The following PLEKHD1 variants were observed in gnomAD, a reference collection of about 807,000 sequenced individuals.
PLEKHD1 encodes the protein pleckstrin homology and coiled-coil domain containing D1, also known as pleckstrin homology domain-containing family D member 1.
PLEKHD1 carries 51 observed loss-of-function variants against 69.2 expected under a neutral mutation model. The ratio of observed to expected loss-of-function variants is 0.74; its 90% confidence interval spans 0.59 to 0.93. The LOEUF (loss-of-function observed/expected upper bound fraction) is 0.93, where lower values mean the gene tolerates loss of function less well. PLEKHD1 is among the 40% of genes least tolerant of loss of function. The probability of loss-of-function intolerance (pLI) is 0.00; values close to 1 mark genes in which losing one functional copy is unlikely to be tolerated. For synonymous variants in PLEKHD1, 236 were observed against 244.7 expected (o/e 0.96, Z 0.33); for missense variants, 584 against 641.0 (o/e 0.91, Z 0.96).
intron 1 of PLEKHD1, among the ~76,000 whole-genome samples, chr14:69,496,638 TC>T (rs1370816416): frequency 6.6e-6 from 1 of 151,420 alleles, no homozygotes; most frequent in African/African-American, 2.4e-5. Context: ...ACTCCTGGAC[TC>T]AAGTGATCCT....
chr14:69,489,743 C>T (rs1488382746), intron 1 of PLEKHD1, among the ~76,000 whole-genome samples: 2 of 152,070 alleles, frequency 1.3e-5, no homozygotes, highest in African/African-American at 4.8e-5. Flanking sequence ...AAACTGTGTG[C>T]CACAAATGAC....
rs3048578 is a variant in PLEKHD1 at position 69,504,628 on chromosome 14, TTTC to T, written c.555+1757_555+1759del. 7.5e-3 allele frequency among the ~76,000 whole-genome samples: 1,145 copies of T among 152,336 alleles called. 14 individuals carry two copies. Among genetic ancestry groups the T allele is most frequent in the African/African-American group, 0.026 (1,090 of 41,562 alleles). ...TCCAACAGGACAATCCACCCTCATT[TTTC>T]TTCTTCTAAAATTGTATTGGTTATT... On this transcript the variant is annotated intron_variant, in intron 6 of 12. Coordinates refer to ENST00000322564, the MANE Select transcript of PLEKHD1 (RefSeq NM_001161498.2).
At chr14:69,502,702 CTGCAGGCCCCTTCCTTGGGA>C in intron 5 of PLEKHD1, 105 bp from the exon 6 acceptor site, 1 of 1,253,788 alleles carries the variant, frequency 8.0e-7, no homozygotes, top group Non-Finnish European at 1.1e-6. Context: ...GCTGGCAGGG[CTGCAGGCCCCTTCCTTGGGA>C]GATGCTGGGG....
chr14:69,495,091 A>G (rs575941282), intron 1 of PLEKHD1, among the ~76,000 whole-genome samples: 3 of 151,782 alleles, frequency 2.0e-5, no homozygotes, highest in South Asian at 4.2e-4. Context: ...TCCCTACTGA[A>G]CTCTGGCCCT....
Position 69,526,851 on chromosome 14 carries a change from C to T in PLEKHD1, c.1056+22C>T, listed in dbSNP as rs951678548. 13 of 1,511,496 alleles carry T rather than the reference C, an allele frequency of 8.6e-6. No homozygotes were observed. The African/African-American group carries it at 1.5e-4, about 18-fold the overall frequency. The allele number at this position is 1,511,496 out of a possible 1,614,324, so 93.6% of individuals were successfully genotyped here. ...CAAGGTGCGACCTGGCCTGCTGGTG[C>T]CAGGGCCCTTCCCCTTCCCTGGAGA... is the stretch of plus-strand genomic sequence containing the variant. On this transcript the variant is annotated intron_variant, in intron 10 of 12. Coordinates refer to ENST00000322564, the MANE Select transcript of PLEKHD1 (RefSeq NM_001161498.2).
At chr14:69,520,022 C>G (rs1297188016) in intron 6 of PLEKHD1, among the ~76,000 whole-genome samples, 1 of 151,862 alleles carries the variant, frequency 6.6e-6, no homozygotes, top group Non-Finnish European at 1.5e-5. Context: ...CAAAAATTAG[C>G]CAGGTGTGAT....
intron 1 of PLEKHD1, among the ~76,000 whole-genome samples, chr14:69,494,665 G>T (rs1284402508): frequency 6.6e-6 from 1 of 152,256 alleles, no homozygotes; most frequent in African/African-American, 2.4e-5. Flanking sequence ...GCCGTCTCTA[G>T]CCAGACCAAC....
At chr14:69,489,621 G>A (rs1473844937) in intron 1 of PLEKHD1, among the ~76,000 whole-genome samples, 1 of 150,102 alleles carries the variant, frequency 6.7e-6, no homozygotes, top group African/African-American at 2.5e-5. Flanking sequence ...AGAGGCAGGT[G>A]CTCCAAGTTC....
chr14:69,477,294 C>T, the PLEKHD1 span, among the ~76,000 whole-genome samples: 1 of 152,120 alleles, frequency 6.6e-6, no homozygotes, highest in Non-Finnish European at 1.5e-5. Context: ...AGGAAAGACC[C>T]ACCCCCATGA....
At chr14:69,490,988 A>G (rs537392817) in intron 1 of PLEKHD1, among the ~76,000 whole-genome samples, 33 of 152,252 alleles carry the variant, frequency 2.2e-4, no homozygotes, top group Non-Finnish European at 4.6e-4. Flanking sequence ...CTCATGTGTA[A>G]CTCACACATC....
In PLEKHD1 at chr14:69,484,923, G is replaced by C; in HGVS notation, c.-43G>C. 1 of 1,539,410 alleles carries C rather than the reference G, an allele frequency of 6.5e-7. No homozygotes were observed. Among genetic ancestry groups the C allele is most frequent in the Admixed American group, 2.0e-5 (1 of 50,564 alleles). ...CTCGCCCCGAGTCCCTGCTGACCCC[G>C]GGGAGGTGGGGTCCGGGCCGGGCAC... On this transcript the variant is annotated 5_prime_UTR_variant, in exon 1 of 13. Coordinates refer to ENST00000322564, the MANE Select transcript of PLEKHD1 (RefSeq NM_001161498.2).
intron 5 of PLEKHD1, 108 bp downstream of exon 5, chr14:69,501,933 C>A (rs530883161): frequency 1.6e-5 from 16 of 1,009,596 alleles, no homozygotes; most frequent in Non-Finnish European, 2.2e-5. Context: ...TCAGGTGGGG[C>A]TATGAGGGAA....
At chr14:69,527,133 T>C (rs150171197) in intron 10 of PLEKHD1, 55 bp from the exon 11 acceptor site, 5 of 1,480,508 alleles carry the variant, frequency 3.4e-6, no homozygotes, top group East Asian at 4.9e-5. Flanking sequence ...CCAGGGAAGA[T>C]GGCAGCTACT....
At chr14:69,472,063 A>G in the PLEKHD1 span, among the ~76,000 whole-genome samples, 1 of 152,200 alleles carries the variant, frequency 6.6e-6, no homozygotes, top group African/African-American at 2.4e-5. Flanking sequence ...CACACACTCA[A>G]CGACCCGTGC....
intron 1 of PLEKHD1, among the ~76,000 whole-genome samples, chr14:69,488,127 AG>A (rs2139491696): frequency 6.6e-6 from 1 of 152,208 alleles, no homozygotes; most frequent in South Asian, 2.1e-4. Flanking sequence ...TCCCTGACTT[AG>A]GGAGCTAAGA....
intron 7 of PLEKHD1, among the ~76,000 whole-genome samples, chr14:69,523,964 C>T (rs1178027806): frequency 6.6e-5 from 10 of 152,120 alleles, no homozygotes; most frequent in Non-Finnish European, 2.9e-5. Flanking sequence ...TTTCCCTCTG[C>T]CTGTGGGGTG....
chr14:69,475,141 C>G, the PLEKHD1 span, among the ~76,000 whole-genome samples: 1 of 152,214 alleles, frequency 6.6e-6, no homozygotes, highest in Non-Finnish European at 1.5e-5. Context: ...CAGTGAACTG[C>G]TAATTCTGTT....
In PLEKHD1 at chr14:69,500,636, T is replaced by C; in HGVS notation, c.303T>C (p.Tyr101=). ...CCAAGGAAGAGCCTAGCATGCCCTA[T>C]GCCATGAAGATCTCCCACCAGGACT... ...VEPKEEPSMP[Y]AMKISHQDFH... Residue 101 remains tyrosine (Y), a synonymous_variant, in exon 3 of 13, where the codon TAT becomes TAC. Coordinates refer to ENST00000322564, the MANE Select transcript of PLEKHD1 (RefSeq NM_001161498.2). 6.4e-7 allele frequency: 1 copy of C among 1,551,462 alleles called. No homozygotes were observed. Among genetic ancestry groups the C allele is most frequent in the Non-Finnish European group, 8.7e-7 (1 of 1,146,898 alleles).
At chr14:69,515,524 C>T (rs1883366121) in intron 6 of PLEKHD1, among the ~76,000 whole-genome samples, 1 of 152,132 alleles carries the variant, frequency 6.6e-6, no homozygotes, top group Non-Finnish European at 1.5e-5. Flanking sequence ...ATACCTGAGA[C>T]TAAGTAATTT....
Sources: gnomAD v4.1 joint callset for allele counts (sites outside exome capture counted in the v4.1 genomes callset) on GRCh38, gnomAD v4.1.1 for gene constraint, MANE v1.5 for transcripts, NCBI Gene and HGNC (gene_info 2026-07-23, HGNC 2026-07-21) for gene names.